The following DLGAP1 variants were observed in gnomAD, a reference collection of about 807,000 sequenced individuals.
DLGAP1 encodes the protein DLG associated protein 1.
In DLGAP1, 11 loss-of-function variants were observed where a neutral mutation model predicts 90.8. The observed-to-expected ratio is 0.12, with a 90% confidence interval of 0.08 to 0.20. DLGAP1 has a LOEUF of 0.20. Among genes scored for constraint, DLGAP1 ranks in the 10% least tolerant of loss-of-function variants. The probability of loss-of-function intolerance (pLI) is 1.00; values close to 1 mark genes in which losing one functional copy is unlikely to be tolerated. For missense variants in DLGAP1, 1,050 were observed against 1,333.8 expected, an observed-to-expected ratio of 0.79 and a Z score of 3.31; for synonymous variants, 558 against 540.7, an observed-to-expected ratio of 1.03 and a Z score of -0.44.
chr18:3,653,779 G>A lies in DLGAP1; in HGVS notation c.1592-71531C>T, dbSNP rs1156717885. On this transcript the variant is annotated intron_variant, in intron 7 of 12. Coordinates refer to ENST00000315677, the MANE Select transcript of DLGAP1 (RefSeq NM_004746.4). The surrounding 1 kb of genome is among the most constrained non-coding windows in gnomAD (Gnocchi z 4.6). ...TCTCTTTTTTTTAAAAAAGGAAAGCGGTTTCATTTCTGACAGTGGATTTCT... is the reference window on the plus strand; with the variant it reads ...TCTCTTTTTTTTAAAAAAGGAAAGCAGTTTCATTTCTGACAGTGGATTTCT... The A allele has an allele frequency of 2.0e-5, 3 of 152,152 alleles. No individual in the cohort carries two copies. The highest frequency in any genetic ancestry group is 2.9e-5 in the Non-Finnish European group (2 of 67,996). 9.4% of individuals were successfully genotyped at this position (152,152 alleles called of 1,614,324 possible).
At chr18:4,394,050 TAGAACAA>T (rs2082391864) in intron 1 of DLGAP1, among the ~76,000 whole-genome samples, 1 of 152,192 alleles carries the variant, frequency 6.6e-6, no homozygotes, top group Non-Finnish European at 1.5e-5. Context: ...ATCCCTGCTC[TAGAACAA>T]CTAATACGTA....
chr18:3,622,564 C>A lies in DLGAP1; in HGVS notation c.1592-40316G>T, dbSNP rs568399411. ...CACAAGTCTGGCCTCCTTCACCCAG[C>A]CTGTGCCTGTGTCCACAGGACAAGA... is the stretch of plus-strand genomic sequence containing the variant. On this transcript the variant is annotated intron_variant, in intron 7 of 12. Coordinates refer to ENST00000315677, the MANE Select transcript of DLGAP1 (RefSeq NM_004746.4). Among the ~76,000 whole-genome samples, 418 of 152,274 alleles carry A rather than the reference C, an allele frequency of 2.7e-3. 3 individuals carry two copies. Among genetic ancestry groups the A allele is most frequent in the South Asian group, 0.011 (51 of 4,818 alleles).
chr18:4,269,450 C>T (rs569441287), intron 1 of DLGAP1, among the ~76,000 whole-genome samples: 337 of 151,140 alleles, frequency 2.2e-3, no homozygotes, highest in African/African-American at 6.4e-3. Flanking sequence ...GCCTGCCGGG[C>T]TCACGCCATT....
intron 9 of DLGAP1, among the ~76,000 whole-genome samples, chr18:3,551,959 TG>T (rs1401691645): frequency 3.3e-4 from 48 of 145,148 alleles, no homozygotes; most frequent in African/African-American, 1.3e-3. Context: ...ATTTTTAAAT[TG>T]TTTTTTTTTT....
At chr18:3,949,059 T>C (rs911870897) in intron 3 of DLGAP1, among the ~76,000 whole-genome samples, 6 of 152,176 alleles carry the variant, frequency 3.9e-5, no homozygotes, top group African/African-American at 7.2e-5. Context: ...AGGAAGAATA[T>C]TGTTATGAAG....
At chr18:3,735,005 T>C (rs1309771439) in intron 6 of DLGAP1, among the ~76,000 whole-genome samples, 1 of 152,156 alleles carries the variant, frequency 6.6e-6, no homozygotes, top group Admixed American at 6.5e-5. Context: ...TAACATTTAT[T>C]TTAATGCATT....
intron 1 of DLGAP1, among the ~76,000 whole-genome samples, chr18:4,407,726 C>A (rs8085078): frequency 0.14 from 21,580 of 151,774 alleles, 2,009 homozygotes; most frequent in African/African-American, 0.25. Flanking sequence ...TAAAAACACA[C>A]AAAAAAATTA....
intron 10 of DLGAP1, among the ~76,000 whole-genome samples, chr18:3,524,961 T>C (rs547502177): frequency 6.6e-6 from 1 of 152,330 alleles, no homozygotes; most frequent in Admixed American, 6.5e-5. Context: ...CTGATCTGCA[T>C]TGCACAACAG....
intron 1 of DLGAP1, among the ~76,000 whole-genome samples, chr18:4,436,645 T>C (rs1390847814): frequency 6.6e-6 from 1 of 152,188 alleles, no homozygotes; most frequent in Non-Finnish European, 1.5e-5. Context: ...TAAAGTTCTC[T>C]AGATGATTCA....
intron 7 of DLGAP1, among the ~76,000 whole-genome samples, chr18:3,690,766 TC>T (rs1484592339): frequency 6.6e-6 from 1 of 152,234 alleles, no homozygotes; most frequent in African/African-American, 2.4e-5. Context: ...TGTAGTTTTT[TC>T]CTCCAGCTTC....
chr18:3,657,894 G>A (rs958312039), intron 7 of DLGAP1, among the ~76,000 whole-genome samples: 2 of 151,970 alleles, frequency 1.3e-5, no homozygotes, highest in African/African-American at 4.8e-5. Context: ...TTGAGCCACC[G>A]CGCCCGGCTC....
chr18:3,621,670 G>A (rs1300592882), intron 7 of DLGAP1, among the ~76,000 whole-genome samples: 1 of 152,142 alleles, frequency 6.6e-6, no homozygotes, highest in East Asian at 1.9e-4. Flanking sequence ...CTTCCACTGC[G>A]TGGCTGCACT....
At chr18:3,700,634 G>A (rs2061249488) in intron 7 of DLGAP1, among the ~76,000 whole-genome samples, 1 of 152,148 alleles carries the variant, frequency 6.6e-6, no homozygotes, top group African/African-American at 2.4e-5. Flanking sequence ...TTTTGAGACA[G>A]AGTCTCTGTC....
chr18:3,767,848 C>T (rs559811505), intron 5 of DLGAP1, among the ~76,000 whole-genome samples: 1 of 152,072 alleles, frequency 6.6e-6, no homozygotes. Flanking sequence ...TGTTTTCCCC[C>T]TAAGATCATG....
At chr18:3,801,962 T>G (rs2066315824) in intron 5 of DLGAP1, among the ~76,000 whole-genome samples, 1 of 122,696 alleles carries the variant, frequency 8.2e-6, no homozygotes. Flanking sequence ...GCAGGCCATC[T>G]GTGTTTTTGT....
At chr18:3,643,651 AG>A (rs1391064699) in intron 7 of DLGAP1, among the ~76,000 whole-genome samples, 1 of 131,316 alleles carries the variant, frequency 7.6e-6, no homozygotes. Context: ...TGACAGAGCG[AG>A]ACTCCATCTC....
intron 7 of DLGAP1, among the ~76,000 whole-genome samples, chr18:3,693,091 A>T (rs748984250): frequency 6.6e-6 from 1 of 152,110 alleles, no homozygotes; most frequent in African/African-American, 2.4e-5. Context: ...GAGGCAAACT[A>T]TATTTTCTTT....
rs2081204896 is a variant in DLGAP1 at position 4,342,168 on chromosome 18, G to A, written c.-267+112838C>T. ...CCTGGCAATATTCAACAGACTCAAA[G>A]TGGTAGTCTCTTCTGACACCCAGTT... On this transcript the variant is annotated intron_variant, in intron 1 of 12. Coordinates refer to ENST00000315677, the MANE Select transcript of DLGAP1 (RefSeq NM_004746.4). The surrounding 1 kb of genome is among the most constrained non-coding windows in gnomAD (Gnocchi z 5.8). Among the ~76,000 whole-genome samples, 1 of 152,126 alleles carries A rather than the reference G, an allele frequency of 6.6e-6. No homozygotes were observed. The highest frequency in any genetic ancestry group is 6.5e-5 in the Admixed American group (1 of 15,272).
intron 4 of DLGAP1, among the ~76,000 whole-genome samples, chr18:3,858,603 T>C (rs2069826428): frequency 6.6e-6 from 1 of 151,968 alleles, no homozygotes; most frequent in African/African-American, 2.4e-5. Flanking sequence ...TTTACATGTA[T>C]AGATACTGGA....
Sources: gnomAD v4.1 joint callset for allele counts (sites outside exome capture counted in the v4.1 genomes callset) on GRCh38, gnomAD v4.1.1 for gene constraint, Gnocchi (gnomAD v3.1) non-coding constraint, MANE v1.5 for transcripts, NCBI Gene and HGNC (gene_info 2026-07-23, HGNC 2026-07-21) for gene names.